Variants in SCAI observed in about 807,000 individuals in gnomAD.
SCAI encodes the protein protein SCAI.
In SCAI, 24 loss-of-function variants were observed where a neutral mutation model predicts 92.2. That is an observed-to-expected ratio of 0.26 (90% confidence interval 0.19 to 0.37). The LOEUF is 0.37. SCAI is among the 10% of genes least tolerant of loss of function. The pLI is 1.00. For missense variants in SCAI, 450 were observed against 736.2 expected, an observed-to-expected ratio of 0.61 and a Z score of 4.50; for synonymous variants, 261 against 258.6, an observed-to-expected ratio of 1.01 and a Z score of -0.09.
At chr9:125,084,758 C>T (rs1834292617) in intron 2 of SCAI, among the ~76,000 whole-genome samples, 1 of 152,138 alleles carries the variant, frequency 6.6e-6, no homozygotes, top group Non-Finnish European at 1.5e-5. Flanking sequence ...TGAAAACAGA[C>T]TCATCATGTT....
At position 125,136,456 on chromosome 9, in the gene SCAI, C is replaced by CTTTTT. The variant is rs1167871254; in HGVS notation, c.98+6172_98+6176dup. Among the ~76,000 whole-genome samples the CTTTTT allele has an allele frequency of 5.0e-3, 473 of 95,168 alleles. 5 individuals are homozygous for CTTTTT. Among genetic ancestry groups the CTTTTT allele is most frequent in the Admixed American group, 6.7e-3 (49 of 7,362 alleles). 62.4% of individuals were successfully genotyped at this position (95,168 alleles called of 152,430 possible). A position where few individuals can be genotyped will look rare whatever the true frequency, so the allele number is the denominator to read the frequency against. ...GTATAAAACTGATACTAATACCTTT[C>CTTTTT]TTTTTTTTTTTTTTTTTTTTTTGAG... is the stretch of plus-strand genomic sequence containing the variant. On this transcript the variant is annotated intron_variant, in intron 2 of 17. Transcript: ENST00000336505.
At chr9:125,072,323 T>C (rs1833994544) in intron 2 of SCAI, among the ~76,000 whole-genome samples, 2 of 152,150 alleles carry the variant, frequency 1.3e-5, no homozygotes, top group African/African-American at 4.8e-5. Flanking sequence ...GAGATTCTTA[T>C]GCTGAGAAAA....
chr9:124,999,437 T>C (rs756279106), intron 13 of SCAI, among the ~76,000 whole-genome samples: 54 of 151,670 alleles, frequency 3.6e-4, no homozygotes, highest in Non-Finnish European at 5.2e-4. Flanking sequence ...CATCTTGTAA[T>C]CCTAGCACTT....
At chr9:124,990,239 A>G (rs575142486) in intron 14 of SCAI, among the ~76,000 whole-genome samples, 20 of 152,248 alleles carry the variant, frequency 1.3e-4, no homozygotes, top group African/African-American at 4.1e-4. Context: ...CTGTAATTCT[A>G]GCACTCTGGG....
intron 2 of SCAI, among the ~76,000 whole-genome samples, chr9:125,141,233 C>T (rs901678152): frequency 6.6e-6 from 1 of 152,160 alleles, no homozygotes; most frequent in African/African-American, 2.4e-5. Context: ...CATATGGTTA[C>T]TGGATTGGAC....
chr9:125,037,417 AAAAAAG>A (rs1365406681), intron 3 of SCAI, among the ~76,000 whole-genome samples: 2 of 152,090 alleles, frequency 1.3e-5, no homozygotes, highest in Admixed American at 1.3e-4. Flanking sequence ...CCTACAAAAA[AAAAAAG>A]AAAAGAAAAG....
In SCAI at chr9:125,110,527, T is replaced by C. The variant is rs550015891; in HGVS notation, c.98+32106A>G. Among the ~76,000 whole-genome samples, 20 of 152,184 alleles carry C rather than the reference T, an allele frequency of 1.3e-4. No individual in the cohort carries two copies. In the South Asian group the frequency reaches 3.9e-3, roughly 30 times the overall value. On this transcript the variant is annotated intron_variant, in intron 2 of 17. Transcript: ENST00000336505. ...GAACAGCAATCCCCAATGTTGGAGG[T>C]GGAGTCTGGTGGGAGGGAATTGGAT...
intron 2 of SCAI, among the ~76,000 whole-genome samples, chr9:125,116,931 TACCTGGTGTCAATTTTCA>T (rs1835057668): frequency 6.6e-6 from 1 of 152,220 alleles, no homozygotes. Flanking sequence ...ATTTATTCTT[TACCTGGTGTCAATTTTCA>T]AACACATCAA....
At chr9:125,105,768 C>T (rs1834764008) in intron 2 of SCAI, among the ~76,000 whole-genome samples, 2 of 151,986 alleles carry the variant, frequency 1.3e-5, no homozygotes, top group Admixed American at 1.3e-4. Flanking sequence ...TATAACTTTC[C>T]AAACCTTAAT....
At chr9:125,117,665 CAAAAAAAAAAA>C (rs372964615) in intron 2 of SCAI, among the ~76,000 whole-genome samples, 4 of 45,252 alleles carry the variant, frequency 8.8e-5, no homozygotes, top group South Asian at 1.4e-3. Flanking sequence ...GACTCCATCT[CAAAAAAAAAAA>C]AAAAAAAAAA....
At chr9:125,083,999 G>A (rs1834271255) in intron 2 of SCAI, among the ~76,000 whole-genome samples, 1 of 151,874 alleles carries the variant, frequency 6.6e-6, no homozygotes, top group Admixed American at 6.6e-5. Context: ...GGGAGATCCA[G>A]GTTCCAGGTA....
intron 9 of SCAI, 38 bp downstream of exon 9, chr9:125,018,761 C>T: frequency 2.0e-6 from 3 of 1,534,196 alleles, no homozygotes; most frequent in African/African-American, 1.4e-5. Context: ...CTATTTTTCA[C>T]AGTGAATTTT....
intron 17 of SCAI, among the ~76,000 whole-genome samples, chr9:124,959,021 G>A (rs1025315844): frequency 6.6e-6 from 1 of 151,666 alleles, no homozygotes; most frequent in Admixed American, 6.6e-5. Flanking sequence ...ATTTTTCATC[G>A]TAGCTTCAAT....
intron 2 of SCAI, among the ~76,000 whole-genome samples, chr9:125,079,386 T>TG (rs1564404623): frequency 6.6e-6 from 1 of 152,206 alleles, no homozygotes; most frequent in African/African-American, 2.4e-5. Context: ...ATATGGCACA[T>TG]AATAGGATAT....
chr9:124,958,996 G>C (rs913810390), intron 17 of SCAI, among the ~76,000 whole-genome samples: 1 of 151,140 alleles, frequency 6.6e-6, no homozygotes, highest in Non-Finnish European at 1.5e-5. Context: ...ACAAATCAGA[G>C]AAGAAAAAAC....
intron 14 of SCAI, among the ~76,000 whole-genome samples, chr9:124,985,854 ACT>A (rs548253749): frequency 5.4e-5 from 8 of 147,356 alleles, no homozygotes; most frequent in African/African-American, 1.8e-4. Context: ...CAAGAGTGAA[ACT>A]CTGTCTCAAT....
At chr9:125,003,398 T>C (rs1588144631) in intron 10 of SCAI, 71 bp downstream of exon 10, 1 of 1,108,470 alleles carries the variant, frequency 9.0e-7, no homozygotes, top group Non-Finnish European at 1.4e-6. Flanking sequence ...ATCTGTTGAA[T>C]AATCAGCGTT....
Position 125,004,750 on chromosome 9 carries a change from TATATATATATATA to T in SCAI, c.862-1193_862-1181del, listed in dbSNP as rs1832443165. Among the ~76,000 whole-genome samples, 17 of 14,956 alleles carry T rather than the reference TATATATATATATA, an allele frequency of 1.1e-3. 1 individual carries two copies. Among genetic ancestry groups the T allele is most frequent in the Admixed American group, 2.0e-3 (2 of 986 alleles). The allele number at this position is 14,956 out of a possible 152,430, so 9.8% of individuals were successfully genotyped here. Reference sequence around the variant, plus strand: ...ACTGTGATCCATATATATATATATATATATATATATATATATATATATATATATATTTTTTTTT... The same window carrying T: ...ACTGTGATCCATATATATATATATATTATATATATATATATATTTTTTTTT... On this transcript the variant is annotated intron_variant, in intron 9 of 17. Transcript: ENST00000336505.
intron 17 of SCAI, chr9:124,968,363 T>C: frequency 8.3e-7 from 1 of 1,197,914 alleles, no homozygotes; most frequent in Admixed American, 1.7e-5. Context: ...TAGTGAGCTC[T>C]GCAGCGAGCA....
Sources: gnomAD v4.1 joint callset for allele counts (sites outside exome capture counted in the v4.1 genomes callset) on GRCh38, gnomAD v4.1.1 for gene constraint, MANE v1.5 for transcripts, NCBI Gene and HGNC (gene_info 2026-07-23, HGNC 2026-07-21) for gene names.